Variants in BCAS3 observed in about 807,000 individuals in gnomAD.
BCAS3 encodes the protein BCAS3 microtubule associated cell migration factor, also known as BCAS4/BCAS3 fusion.
A neutral mutation model predicts 116.1 loss-of-function variants in BCAS3; 53 were observed. The observed-to-expected ratio is 0.46, with a 90% CI of 0.37 to 0.57. The LOEUF is 0.57. Ranked by LOEUF, BCAS3 falls within the 20% of genes least tolerant of loss-of-function variation. The pLI is 0.00. For synonymous variants in BCAS3, 391 were observed against 408.2 expected (o/e 0.96, Z 0.51); for missense variants, 917 against 1,165.4 (o/e 0.79, Z 3.10).
chr17:61,015,994 T>G, intron 16 of BCAS3, 93 bp downstream of exon 16: 1 of 1,325,484 alleles, frequency 7.5e-7, no homozygotes, highest in Non-Finnish European at 1.1e-6. Flanking sequence ...TGGTTTTTAT[T>G]ATGTTCTTCA....
rs149538165 is a variant in BCAS3 at position 60,961,282 on chromosome 17, C to G, written c.1221+13930C>G. 3.3e-5 allele frequency among the ~76,000 whole-genome samples: 5 copies of G among 152,142 alleles called. No individual in the cohort carries two copies. The East Asian group carries it at 9.7e-4, about 29-fold the overall frequency. On this transcript the variant is annotated intron_variant, in intron 14 of 23. Coordinates refer to ENST00000407086, the MANE Select transcript of BCAS3 (RefSeq NM_017679.5). This position sits in a 1 kb window ranked among gnomAD's most constrained non-coding sequence, Gnocchi z 4.8. ...ACCTCTGTATCCGTTAAGGTTCTAC[C>G]AGAGAAACAGAATCAGTAGGGCATT...
chr17:61,052,377 G>A (rs1016880039), intron 19 of BCAS3, among the ~76,000 whole-genome samples: 2 of 151,826 alleles, frequency 1.3e-5, no homozygotes, highest in African/African-American at 4.8e-5. Context: ...AGTTCCATTT[G>A]GATCTTCTTT....
At chr17:60,874,530 A>G (rs2055412797) in intron 8 of BCAS3, 132 bp from the exon 9 acceptor site, 2 of 571,404 alleles carry the variant, frequency 3.5e-6, no homozygotes, top group Non-Finnish European at 6.0e-6. Flanking sequence ...ATATTATAGG[A>G]AATGTTTAAT....
At chr17:61,081,207 A>G (rs1369906659) in intron 21 of BCAS3, among the ~76,000 whole-genome samples, 1 of 152,228 alleles carries the variant, frequency 6.6e-6, no homozygotes, top group Non-Finnish European at 1.5e-5. Flanking sequence ...TAAACCGTGC[A>G]CAAGACACTG....
At chr17:60,973,703 C>T (rs1418219379) in intron 14 of BCAS3, among the ~76,000 whole-genome samples, 1 of 151,656 alleles carries the variant, frequency 6.6e-6, no homozygotes, top group Non-Finnish European at 1.5e-5. Flanking sequence ...AGCGATTCTC[C>T]TGCCTCAGCC....
At chr17:61,275,782 G>A (rs761923986) in intron 22 of BCAS3, among the ~76,000 whole-genome samples, 172 of 152,278 alleles carry the variant, frequency 1.1e-3, no homozygotes, top group Non-Finnish European at 2.0e-3. Flanking sequence ...AGCATAAACT[G>A]CCACAGCACC....
intron 5 of BCAS3, among the ~76,000 whole-genome samples, chr17:60,733,860 T>C (rs984548628): frequency 6.6e-6 from 1 of 151,990 alleles, no homozygotes; most frequent in Non-Finnish European, 1.5e-5. Context: ...AAAAATCAGA[T>C]TGTTTTCTTA....
At chr17:60,750,541 G>C (rs1230971924) in intron 6 of BCAS3, among the ~76,000 whole-genome samples, 3 of 152,088 alleles carry the variant, frequency 2.0e-5, no homozygotes, top group Non-Finnish European at 2.9e-5. Flanking sequence ...GTTATTCATC[G>C]ATAACATGAT....
chr17:61,183,752 A>G (rs1444200490), intron 22 of BCAS3, among the ~76,000 whole-genome samples: 3 of 152,364 alleles, frequency 2.0e-5, no homozygotes, highest in African/African-American at 7.2e-5. Flanking sequence ...GAAACTATGG[A>G]AAAGATAGAA....
At chr17:60,820,967 A>G (rs1173571161) in intron 7 of BCAS3, among the ~76,000 whole-genome samples, 1 of 152,010 alleles carries the variant, frequency 6.6e-6, no homozygotes, top group Non-Finnish European at 1.5e-5. Context: ...TTTTTTTGAG[A>G]CGGAGTTTTG....
chr17:60,824,287 A>C (rs1288415248), intron 7 of BCAS3, among the ~76,000 whole-genome samples: 1 of 151,952 alleles, frequency 6.6e-6, no homozygotes, highest in Non-Finnish European at 1.5e-5. Flanking sequence ...GTTTTGTGGG[A>C]TTTCGGGAAG....
chr17:61,271,082 A>G (rs1379602235), intron 22 of BCAS3, among the ~76,000 whole-genome samples: 3 of 136,678 alleles, frequency 2.2e-5, no homozygotes, highest in South Asian at 2.4e-4. Flanking sequence ...ACACATTTTC[A>G]GTTTTTTGTA....
intron 7 of BCAS3, among the ~76,000 whole-genome samples, chr17:60,809,700 A>G (rs926929920): frequency 1.3e-5 from 2 of 152,184 alleles, no homozygotes; most frequent in African/African-American, 4.8e-5. Flanking sequence ...GCCTAAGATA[A>G]TGGTTAGCTG....
intron 19 of BCAS3, among the ~76,000 whole-genome samples, chr17:61,058,684 C>T (rs1339142012): frequency 1.3e-5 from 2 of 152,140 alleles, no homozygotes; most frequent in Non-Finnish European, 2.9e-5. Context: ...TGTGTTGTGA[C>T]TTCTGGTTAA....
chr17:60,805,941 T>C (rs1007181036), intron 6 of BCAS3, among the ~76,000 whole-genome samples: 2 of 150,388 alleles, frequency 1.3e-5, no homozygotes, highest in Non-Finnish European at 3.0e-5. Context: ...TGGCTCACTG[T>C]AACCTCTGCC....
rs2081018166 is a variant in BCAS3, at chr17:61,204,522, A to T, written c.2425+119958A>T. Among the ~76,000 whole-genome samples, 1 of 152,212 alleles carries T rather than the reference A, an allele frequency of 6.6e-6. No individual in the cohort carries two copies. Among genetic ancestry groups the T allele is most frequent in the South Asian group, 2.1e-4 (1 of 4,826 alleles). On this transcript the variant is annotated intron_variant, in intron 22 of 23. Coordinates refer to ENST00000407086, the MANE Select transcript of BCAS3 (RefSeq NM_017679.5). The surrounding 1 kb of genome is among the most constrained non-coding windows in gnomAD (Gnocchi z 4.2). ...TTTTTTAAGCTGAAATACCCATGTTAAAAATAACAAAATGTGTTGTTGCTT... is the reference window on the plus strand; with the variant it reads ...TTTTTTAAGCTGAAATACCCATGTTTAAAATAACAAAATGTGTTGTTGCTT...
At chr17:60,937,312 G>A (rs1249739540) in intron 13 of BCAS3, among the ~76,000 whole-genome samples, 2 of 151,590 alleles carry the variant, frequency 1.3e-5, no homozygotes, top group African/African-American at 4.8e-5. Context: ...TGGGGGTGGG[G>A]TGGCTGCTCA....
chr17:61,297,075 T>G (rs1428932607), intron 22 of BCAS3, among the ~76,000 whole-genome samples: 1 of 152,132 alleles, frequency 6.6e-6, no homozygotes, highest in Non-Finnish European at 1.5e-5. Context: ...TACCAATTAT[T>G]TATCGAAGTG....
At chr17:60,789,078 G>T (rs1201425856) in intron 6 of BCAS3, among the ~76,000 whole-genome samples, 1 of 152,122 alleles carries the variant, frequency 6.6e-6, no homozygotes, top group Non-Finnish European at 1.5e-5. Context: ...AAATTTAGTT[G>T]TTCAATGGAA....
Sources: gnomAD v4.1 joint callset for allele counts (sites outside exome capture counted in the v4.1 genomes callset) on GRCh38, gnomAD v4.1.1 for gene constraint, Gnocchi (gnomAD v3.1) non-coding constraint, MANE v1.5 for transcripts, NCBI Gene and HGNC (gene_info 2026-07-23, HGNC 2026-07-21) for gene names.